The following DCT variants were observed in gnomAD, a reference collection of about 807,000 sequenced individuals.
DCT encodes the protein dopachrome tautomerase.
In DCT, 47 loss-of-function variants were observed where a neutral mutation model predicts 53.0. That is an observed-to-expected ratio of 0.89 (90% confidence interval 0.70 to 1.13). DCT has a LOEUF of 1.13. DCT is among the 50% of genes most tolerant of loss of function. The pLI is 0.00. For synonymous variants in DCT, 244 were observed against 237.0 expected, an observed-to-expected ratio of 1.03 and a Z score of -0.27; for missense variants, 669 against 637.4, an observed-to-expected ratio of 1.05 and a Z score of -0.53.
In DCT at chr13:94,478,983, G is replaced by A. The variant is rs1885284539; in HGVS notation, c.273C>T (p.Phe91=). The part of the protein sequence containing the change: ...DDRELWPRKF[F]HRTCKCTGNF... Reference sequence around the variant, plus strand: ...CACCTGTGCACTTGCAGGTCCGGTGGAAGAATTTTCTTGGCCACAGCTCAC... The same window carrying A: ...CACCTGTGCACTTGCAGGTCCGGTGAAAGAATTTTCTTGGCCACAGCTCAC... The change falls in exon 1 of 8, where the codon TTC becomes TTT. Residue 91 remains phenylalanine, a synonymous_variant. Transcript: ENST00000377028. 6.2e-7 allele frequency: 1 copy of A among 1,611,896 alleles called. No individual in the cohort carries two copies. Among genetic ancestry groups the A allele is most frequent in the Non-Finnish European group, 8.5e-7 (1 of 1,178,346 alleles).
the DCT span, among the ~76,000 whole-genome samples, chr13:94,523,074 C>T: frequency 6.6e-6 from 1 of 152,198 alleles, no homozygotes; most frequent in Non-Finnish European, 1.5e-5. Context: ...GGCCTGGGGT[C>T]TCCAACCTCA....
the DCT span, among the ~76,000 whole-genome samples, chr13:94,507,824 A>G: frequency 6.6e-6 from 1 of 151,938 alleles, no homozygotes; most frequent in East Asian, 1.9e-4. Flanking sequence ...TTTTATCTAA[A>G]CTCTTAGAAG....
chr13:94,493,521 G>T, the DCT span, among the ~76,000 whole-genome samples: 1 of 152,148 alleles, frequency 6.6e-6, no homozygotes, highest in African/African-American at 2.4e-5. Flanking sequence ...TAGGTGAAAA[G>T]TCATCCAATG....
the DCT span, among the ~76,000 whole-genome samples, chr13:94,490,592 A>G: frequency 1.3e-5 from 2 of 150,376 alleles, no homozygotes; most frequent in Non-Finnish European, 3.0e-5. Context: ...CTTCTCATTG[A>G]ATCTCACCTG....
At chr13:94,492,084 G>A in the DCT span, among the ~76,000 whole-genome samples, 1 of 152,088 alleles carries the variant, frequency 6.6e-6, no homozygotes, top group African/African-American at 2.4e-5. Flanking sequence ...TACCTGTTAT[G>A]GACACGTTTT....
the DCT span, among the ~76,000 whole-genome samples, chr13:94,545,203 C>T: frequency 2.0e-5 from 3 of 151,926 alleles, no homozygotes; most frequent in Non-Finnish European, 4.4e-5. Flanking sequence ...TAAAAATGAT[C>T]AGATTACATT....
chr13:94,486,958 AGTT>A, the DCT span, among the ~76,000 whole-genome samples: 1 of 152,228 alleles, frequency 6.6e-6, no homozygotes, highest in Non-Finnish European at 1.5e-5. Context: ...CACACAGCCA[AGTT>A]GTTGTTTACA....
At chr13:94,472,904 A>C (rs1472201981) in intron 1 of DCT, among the ~76,000 whole-genome samples, 1 of 152,032 alleles carries the variant, frequency 6.6e-6, no homozygotes, top group East Asian at 1.9e-4. Flanking sequence ...TTGTGTTATT[A>C]TTACTAGTAT....
the DCT span, among the ~76,000 whole-genome samples, chr13:94,507,802 ATATTG>A: frequency 6.6e-6 from 1 of 152,210 alleles, no homozygotes; most frequent in Non-Finnish European, 1.5e-5. Flanking sequence ...GCCCCGCCGT[ATATTG>A]ACTATTTTTT....
At chr13:94,472,543 TATATATATATATATA>T (rs1884753492) in intron 1 of DCT, among the ~76,000 whole-genome samples, 1 of 34,694 alleles carries the variant, frequency 2.9e-5, no homozygotes, top group African/African-American at 1.4e-4. Flanking sequence ...TATATATATA[TATATATATATATATA>T]TATATATATA....
chr13:94,474,774 T>C (rs905849490), intron 1 of DCT, among the ~76,000 whole-genome samples: 2 of 152,216 alleles, frequency 1.3e-5, no homozygotes, highest in Non-Finnish European at 2.9e-5. Context: ...AGAAGCTCTC[T>C]ACAGAGAATT....
the DCT span, among the ~76,000 whole-genome samples, chr13:94,523,784 A>T: frequency 6.6e-6 from 1 of 152,010 alleles, no homozygotes; most frequent in African/African-American, 2.4e-5. Flanking sequence ...TAAGCCCCCA[A>T]CACCTTTCTG....
chr13:94,455,292 G>A (rs1428315070), intron 6 of DCT, among the ~76,000 whole-genome samples: 1 of 152,026 alleles, frequency 6.6e-6, no homozygotes, highest in African/African-American at 2.4e-5. Flanking sequence ...TGAGGCAGGA[G>A]GATCACTTGA....
rs1047775658 is a variant in DCT, at chr13:94,437,919, T to C, written c.*1979A>G. On this transcript the variant is annotated 3_prime_UTR_variant, in exon 8 of 8. Transcript: ENST00000377028. ...AGTATAATCGATTACTATTTTTTCCTACCTAAGATAGATCTGCTTTAACCA... is the reference window on the plus strand; with the variant it reads ...AGTATAATCGATTACTATTTTTTCCCACCTAAGATAGATCTGCTTTAACCA... 1.3e-5 allele frequency: 2 copies of C among 149,658 alleles called. No homozygotes were observed. The highest frequency in any genetic ancestry group is 4.8e-5 in the African/African-American group (2 of 41,274). 9.3% of individuals were successfully genotyped at this position (149,658 alleles called of 1,614,324 possible). A position where few individuals can be genotyped will look rare whatever the true frequency, so the allele number is the denominator to read the frequency against.
the DCT span, among the ~76,000 whole-genome samples, chr13:94,523,768 C>G: frequency 6.6e-6 from 1 of 152,124 alleles, no homozygotes; most frequent in East Asian, 1.9e-4. Flanking sequence ...TATTTACACC[C>G]CCACATAAGC....
chr13:94,491,502 T>C, the DCT span, among the ~76,000 whole-genome samples: 4 of 152,282 alleles, frequency 2.6e-5, no homozygotes, highest in African/African-American at 9.6e-5. Flanking sequence ...TACTCAGGGT[T>C]TGGGCTTCAG....
At chr13:94,521,161 G>A in the DCT span, among the ~76,000 whole-genome samples, 2 of 152,092 alleles carry the variant, frequency 1.3e-5, no homozygotes, top group Non-Finnish European at 2.9e-5. Context: ...TGTGATCCAG[G>A]GCAACTTGCT....
the DCT span, among the ~76,000 whole-genome samples, chr13:94,501,400 G>A: frequency 7.5e-4 from 114 of 152,160 alleles, no homozygotes; most frequent in Middle Eastern, 0.01. Flanking sequence ...TCAGGCTGTC[G>A]GAAAAATTAA....
chr13:94,474,169 C>A (rs925729856), intron 1 of DCT, among the ~76,000 whole-genome samples: 1 of 152,074 alleles, frequency 6.6e-6, no homozygotes, highest in East Asian at 1.9e-4. Flanking sequence ...TAGATAATAT[C>A]AATCTATCGA....
Sources: allele counts gnomAD v4.1 joint callset (sites outside exome capture counted in the v4.1 genomes callset), GRCh38; gene constraint gnomAD v4.1.1; transcripts MANE v1.5; gene names NCBI Gene and HGNC (gene_info 2026-07-23, HGNC 2026-07-21).